DGKB: variants seen among roughly 807,000 people sequenced by gnomAD.
DGKB encodes 90 kDa diacylglycerol kinase.
DGKB carries 67 observed loss-of-function variants against 114.3 expected under a neutral mutation model. That is an observed-to-expected ratio of 0.59 (90% CI 0.48 to 0.72). The LOEUF (loss-of-function observed/expected upper bound fraction) is 0.72, where lower values mean the gene tolerates loss of function less well. Among genes scored for constraint, DGKB ranks in the 30% least tolerant of loss-of-function variants. The pLI is 0.00. For synonymous variants in DGKB, 398 were observed against 323.1 expected, an observed-to-expected ratio of 1.23 and a Z score of -2.49; for missense variants, 907 against 975.2, an observed-to-expected ratio of 0.93 and a Z score of 0.93.
chr7:14,620,957 GCATT>G (rs1329428871), intron 15 of DGKB, among the ~76,000 whole-genome samples: 1 of 151,532 alleles, frequency 6.6e-6, no homozygotes, highest in Non-Finnish European at 1.5e-5. Flanking sequence ...AGAAAAAAAT[GCATT>G]CAGAGTTCAT....
chr7:14,933,019 C>T (rs540922207), intron 1 of DGKB, among the ~76,000 whole-genome samples: 1 of 152,188 alleles, frequency 6.6e-6, no homozygotes, highest in African/African-American at 2.4e-5. Flanking sequence ...ATCTGCTCCT[C>T]TGTCCTTTCA....
chr7:14,649,274 C>T (rs1813876383), intron 13 of DGKB, among the ~76,000 whole-genome samples: 1 of 151,170 alleles, frequency 6.6e-6, no homozygotes, highest in South Asian at 2.1e-4. Context: ...AAAGGGAAGC[C>T]CATCAGACTA....
At chr7:14,465,156 T>TA (rs1190770193) in intron 21 of DGKB, among the ~76,000 whole-genome samples, 2 of 152,190 alleles carry the variant, frequency 1.3e-5, no homozygotes, top group Non-Finnish European at 2.9e-5. Context: ...ACCTCACTGA[T>TA]AGTCTTTACC....
chr7:14,409,181 T>C (rs1824434729), intron 21 of DGKB, among the ~76,000 whole-genome samples: 1 of 152,030 alleles, frequency 6.6e-6, no homozygotes, highest in Non-Finnish European at 1.5e-5. Context: ...TGGGCTCAAG[T>C]GTTGTGAGTA....
chr7:14,430,629 G>A (rs1335964081), intron 21 of DGKB, among the ~76,000 whole-genome samples: 3 of 152,114 alleles, frequency 2.0e-5, no homozygotes, highest in Non-Finnish European at 4.4e-5. Context: ...GTGCTAAGAT[G>A]CCAATAAAGT....
chr7:14,429,214 GT>G (rs1455726124), intron 21 of DGKB, among the ~76,000 whole-genome samples: 1 of 152,122 alleles, frequency 6.6e-6, no homozygotes, highest in East Asian at 1.9e-4. Context: ...GTGTGATGGT[GT>G]TAGGAAATGT....
At chr7:14,590,366 A>G (rs1801503684) in intron 17 of DGKB, among the ~76,000 whole-genome samples, 1 of 152,102 alleles carries the variant, frequency 6.6e-6, no homozygotes, top group African/African-American at 2.4e-5. Context: ...CAGTAGCTGC[A>G]ACATTTCCCA....
Position 14,803,599 on chromosome 7 carries a change from C to T in DGKB, c.70+37595G>A, listed in dbSNP as rs138033150. Among the ~76,000 whole-genome samples, 1,314 of 152,204 alleles carry T rather than the reference C, an allele frequency of 8.6e-3. 13 individuals are homozygous for T. Among genetic ancestry groups the T allele is most frequent in the Non-Finnish European group, 8.3e-3 (563 of 67,978 alleles). On this transcript the variant is annotated intron_variant, in intron 2 of 25. Coordinates refer to ENST00000402815, the MANE Select transcript of DGKB (RefSeq NM_001350709.2). ...CAACACTGTTAGACACTGTCCCTTT[C>T]GGGCTGAGTTAGGTATGTTTGAATT...
At chr7:14,231,692 T>C (rs2128342110) in intron 23 of DGKB, among the ~76,000 whole-genome samples, 1 of 152,032 alleles carries the variant, frequency 6.6e-6, no homozygotes, top group Admixed American at 6.6e-5. Context: ...GGTAATTTTC[T>C]GCTATACAGA....
intron 23 of DGKB, among the ~76,000 whole-genome samples, chr7:14,332,820 C>T (rs1444285918): frequency 6.6e-6 from 1 of 152,076 alleles, no homozygotes; most frequent in Non-Finnish European, 1.5e-5. Flanking sequence ...TGAATGAAAT[C>T]ACTGAAAACT....
At chr7:14,778,214 T>C (rs778489067) in intron 2 of DGKB, among the ~76,000 whole-genome samples, 5 of 152,184 alleles carry the variant, frequency 3.3e-5, no homozygotes, top group Non-Finnish European at 7.4e-5. Flanking sequence ...GTGGGGCAAA[T>C]ACATTCCTTG....
At chr7:14,804,067 T>TTGGG (rs1554282545) in intron 2 of DGKB, among the ~76,000 whole-genome samples, 3 of 122,366 alleles carry the variant, frequency 2.5e-5, no homozygotes, top group African/African-American at 7.3e-5. Flanking sequence ...ACTTCACTTT[T>TTGGG]TGGGTGTGTG....
At chr7:14,346,278 C>G (rs142263715) in intron 21 of DGKB, among the ~76,000 whole-genome samples, 97 of 151,966 alleles carry the variant, frequency 6.4e-4, no homozygotes, top group African/African-American at 2.3e-3. Context: ...CTACTTAATT[C>G]AAGCCTATTA....
intron 2 of DGKB, among the ~76,000 whole-genome samples, chr7:14,796,533 C>T (rs188241004): frequency 1.8e-4 from 27 of 152,102 alleles, no homozygotes; most frequent in Non-Finnish European, 2.9e-4. Flanking sequence ...TGGCTTTACC[C>T]GCACAATTCT....
At chr7:14,836,550 A>G (rs1257408879) in intron 2 of DGKB, among the ~76,000 whole-genome samples, 2 of 152,252 alleles carry the variant, frequency 1.3e-5, no homozygotes, top group African/African-American at 2.4e-5. Context: ...ACGTGGAACC[A>G]CAGCAGAAAG....
At chr7:14,491,057 T>C (rs991513109) in intron 20 of DGKB, among the ~76,000 whole-genome samples, 4 of 151,882 alleles carry the variant, frequency 2.6e-5, no homozygotes, top group African/African-American at 9.7e-5. Context: ...TCCCTAGAAG[T>C]GAGAATGAGT....
intron 1 of DGKB, among the ~76,000 whole-genome samples, chr7:14,899,882 C>A (rs1207192490): frequency 6.6e-6 from 1 of 152,086 alleles, no homozygotes; most frequent in African/African-American, 2.4e-5. Flanking sequence ...AGTAGCAAAG[C>A]AGTTAAGAAT....
chr7:14,538,296 A>AGTT (rs1222982577), intron 20 of DGKB, among the ~76,000 whole-genome samples: 7 of 152,040 alleles, frequency 4.6e-5, no homozygotes, highest in Non-Finnish European at 8.8e-5. Context: ...AAAAAACAAC[A>AGTT]AAATAACCCA....
In DGKB at chr7:14,746,818, A is replaced by T. The variant is rs982443982; in HGVS notation, c.168+7110T>A. On this transcript the variant is annotated intron_variant, in intron 4 of 25. Coordinates refer to ENST00000402815, the MANE Select transcript of DGKB (RefSeq NM_001350709.2). Reference sequence around the variant, plus strand: ...CCAGCCAATTTGCCTTTTTATTGGTACAGAAAACTGTAAAATTCATTGCAT... The same window carrying T: ...CCAGCCAATTTGCCTTTTTATTGGTTCAGAAAACTGTAAAATTCATTGCAT... Among the ~76,000 whole-genome samples, 6 of 152,238 alleles carry T rather than the reference A, an allele frequency of 3.9e-5. No homozygotes were observed. The East Asian group carries it at 1.2e-3, about 30-fold the overall frequency.
Sources: gnomAD v4.1 joint callset for allele counts (sites outside exome capture counted in the v4.1 genomes callset) on GRCh38, gnomAD v4.1.1 for gene constraint, MANE v1.5 for transcripts, NCBI Gene and HGNC (gene_info 2026-07-23, HGNC 2026-07-21) for gene names.